The following CCDC73 variants were observed in gnomAD, a reference collection of about 807,000 sequenced individuals.
CCDC73 encodes the protein coiled-coil domain-containing protein 73.
A neutral mutation model predicts 116.5 loss-of-function variants in CCDC73; 95 were observed. That is an observed-to-expected ratio of 0.82 (90% CI 0.69 to 0.97). The LOEUF is 0.97. Among genes scored for constraint, CCDC73 ranks in the 50% least tolerant of loss-of-function variants. The pLI, the probability that CCDC73 is intolerant of heterozygous loss-of-function variation, is 0.00. For missense variants in CCDC73, 1,066 were observed against 1,206.8 expected (o/e 0.88, Z 1.73); for synonymous variants, 398 against 401.3 (o/e 0.99, Z 0.10).
At chr11:32,635,991 T>A (rs927328485) in intron 13 of CCDC73, among the ~76,000 whole-genome samples, 161 bp from the exon 14 acceptor site, 1 of 152,140 alleles carries the variant, frequency 6.6e-6, no homozygotes, top group African/African-American at 2.4e-5. Context: ...TGAATTGGGC[T>A]GACTACTTAA....
chr11:32,646,186 G>A (rs1200599297), intron 12 of CCDC73, among the ~76,000 whole-genome samples: 2 of 152,048 alleles, frequency 1.3e-5, no homozygotes, highest in East Asian at 3.9e-4. Flanking sequence ...CCTACTTCAG[G>A]TATTCTCTCG....
chr11:32,722,409 A>G (rs1489879311), intron 2 of CCDC73, among the ~76,000 whole-genome samples: 1 of 152,176 alleles, frequency 6.6e-6, no homozygotes, highest in Non-Finnish European at 1.5e-5. Flanking sequence ...GGGGAAGTAC[A>G]TTGGATCTTT....
chr11:32,724,692 T>C (rs541034088), intron 2 of CCDC73, among the ~76,000 whole-genome samples: 1 of 152,286 alleles, frequency 6.6e-6, no homozygotes, highest in East Asian at 1.9e-4. Flanking sequence ...CAATAATTAC[T>C]TGGAGCTGAA....
the CCDC73 span, among the ~76,000 whole-genome samples, chr11:32,822,016 C>T: frequency 1.3e-5 from 2 of 152,084 alleles, no homozygotes; most frequent in Non-Finnish European, 2.9e-5. Flanking sequence ...TTCTTCAGGG[C>T]TCAGCTGTTA....
chr11:32,605,045 G>C (rs1285637892), intron 17 of CCDC73: 2 of 151,846 alleles, frequency 1.3e-5, no homozygotes, highest in African/African-American at 2.4e-5. Context: ...GTAGAGACAG[G>C]GTTTCACTAT....
the CCDC73 span, among the ~76,000 whole-genome samples, chr11:32,816,341 G>A: frequency 7.9e-5 from 12 of 152,266 alleles, no homozygotes; most frequent in Non-Finnish European, 1.8e-4. Context: ...CAAGTTTTAG[G>A]TAGTAACAAG....
intron 4 of CCDC73, 36 bp downstream of exon 4, chr11:32,702,837 T>C (rs754687510): frequency 3.6e-6 from 5 of 1,393,208 alleles, no homozygotes; most frequent in Middle Eastern, 1.8e-4. Context: ...ATGCAATATT[T>C]AAAATGGTAG....
intron 1 of CCDC73, among the ~76,000 whole-genome samples, chr11:32,765,325 C>A (rs948071313): frequency 2.6e-5 from 4 of 152,200 alleles, no homozygotes. Context: ...CTTCTCAGCA[C>A]CACATCACAC....
chr11:32,729,273 T>C (rs1362936645), intron 2 of CCDC73, among the ~76,000 whole-genome samples: 15 of 152,236 alleles, frequency 9.9e-5, no homozygotes. Flanking sequence ...ATGCAGTGTT[T>C]GGTTTTCTGT....
chr11:32,634,679 A>C (rs1351939080), intron 14 of CCDC73, among the ~76,000 whole-genome samples: 1 of 152,234 alleles, frequency 6.6e-6, no homozygotes, highest in Non-Finnish European at 1.5e-5. Context: ...TGAGAAAAAG[A>C]AAAAGCATAC....
At chr11:32,711,811 T>G (rs575617073) in intron 3 of CCDC73, among the ~76,000 whole-genome samples, 36 of 152,262 alleles carry the variant, frequency 2.4e-4, no homozygotes, top group African/African-American at 8.4e-4. Flanking sequence ...GTCTTCCGAT[T>G]GTCATAAAGC....
intron 14 of CCDC73, among the ~76,000 whole-genome samples, 187 bp downstream of exon 14, chr11:32,635,508 TA>T (rs978598361): frequency 2.0e-4 from 30 of 152,202 alleles, no homozygotes; most frequent in South Asian, 4.2e-4. Flanking sequence ...GAAATTCATA[TA>T]AAAAAATGAC....
chr11:32,648,547 T>C (rs1455593662), intron 12 of CCDC73, among the ~76,000 whole-genome samples: 1 of 152,054 alleles, frequency 6.6e-6, no homozygotes, highest in African/African-American at 2.4e-5. Context: ...CTTAAAGAGT[T>C]TATACTCTTT....
At chr11:32,808,127 G>A in the CCDC73 span, among the ~76,000 whole-genome samples, 1 of 151,752 alleles carries the variant, frequency 6.6e-6, no homozygotes, top group African/African-American at 2.4e-5. Flanking sequence ...TAGATCAGGA[G>A]GCAAACTCAG....
At chr11:32,801,320 C>A in the CCDC73 span, among the ~76,000 whole-genome samples, 9 of 152,158 alleles carry the variant, frequency 5.9e-5, no homozygotes. Context: ...GAGCCATCTT[C>A]CCCAATCCAC....
chr11:32,736,153 G>T (rs1850127302), intron 2 of CCDC73, among the ~76,000 whole-genome samples: 1 of 152,128 alleles, frequency 6.6e-6, no homozygotes, highest in African/African-American at 2.4e-5. Flanking sequence ...AGCCAACATT[G>T]ACAAATGGGA....
chr11:32,823,239 C>T, the CCDC73 span, among the ~76,000 whole-genome samples: 34 of 152,072 alleles, frequency 2.2e-4, no homozygotes, highest in South Asian at 4.2e-4. Flanking sequence ...TTTGGGAGGC[C>T]GAGGCGGGTG....
chr11:32,758,285 G>C, intron 2 of CCDC73: 1 of 470,116 alleles, frequency 2.1e-6, no homozygotes, highest in Non-Finnish European at 4.3e-6. Context: ...AGCATTTGAC[G>C]TATCATCATG....
At chr11:32,655,417 G>C (rs1016796468) in intron 9 of CCDC73, among the ~76,000 whole-genome samples, 5 of 152,064 alleles carry the variant, frequency 3.3e-5, no homozygotes, top group African/African-American at 9.7e-5. Context: ...GTATCAAAAC[G>C]GTATTACATG....
Sources: allele counts gnomAD v4.1 joint callset (sites outside exome capture counted in the v4.1 genomes callset), GRCh38; gene constraint gnomAD v4.1.1; transcripts MANE v1.5; gene names NCBI Gene and HGNC (gene_info 2026-07-23, HGNC 2026-07-21).